Variants in PKP2 observed in about 807,000 individuals in gnomAD.
PKP2 encodes the protein plakophilin-2.
Under a neutral mutation model 83.4 loss-of-function variants are expected in PKP2, and 73 were observed. The observed-to-expected ratio is 0.88, with a 90% CI of 0.72 to 1.06. PKP2 has a LOEUF of 1.06. PKP2 is among the 50% of genes least tolerant of loss of function. The pLI is 0.00. For missense variants in PKP2, 966 were observed against 1,065.4 expected, an observed-to-expected ratio of 0.91 and a Z score of 1.30; for synonymous variants, 409 against 430.4, an observed-to-expected ratio of 0.95 and a Z score of 0.62.
At chr12:32,846,118 C>T (rs1029475098) in intron 5 of PKP2, among the ~76,000 whole-genome samples, 13 of 152,194 alleles carry the variant, frequency 8.5e-5, no homozygotes, top group Non-Finnish European at 1.9e-4. Flanking sequence ...TACCCTGACT[C>T]TTTCATATGT....
intron 3 of PKP2, 51 bp from the exon 4 acceptor site, chr12:32,869,113 C>G (rs1332766874): frequency 6.2e-7 from 1 of 1,607,248 alleles, no homozygotes; most frequent in Non-Finnish European, 8.5e-7. Flanking sequence ...CCTCCTCCTG[C>G]CTACCAACCT....
In PKP2 at chr12:32,877,904, CGGCCGCCT is replaced by C. The variant is rs1555148032; in HGVS notation, c.968_975del (p.Gln323ArgfsTer10). On this transcript the variant is annotated frameshift_variant, in exon 3 of 13. Transcript: ENST00000340811. LOFTEE classifies it high-confidence loss of function. ...GTGAGCAGATTCCCACTTCCCCCTG[CGGCCGCCT>C]GGCCGACAGTCAAGTGCGCTCTCCT... is the stretch of plus-strand genomic sequence containing the variant. 1 of 1,614,162 alleles carries C rather than the reference CGGCCGCCT, an allele frequency of 6.2e-7. No individual in the cohort carries two copies. The highest frequency in any genetic ancestry group is 1.1e-5 in the South Asian group (1 of 91,082).
intron 9 of PKP2, among the ~76,000 whole-genome samples, chr12:32,802,806 G>A (rs1490228112): frequency 3.9e-5 from 6 of 151,940 alleles, no homozygotes; most frequent in Non-Finnish European, 7.4e-5. Context: ...TTACAGGTGT[G>A]TGCCACCACG....
intron 9 of PKP2, among the ~76,000 whole-genome samples, chr12:32,809,620 G>A (rs540700799): frequency 1.3e-5 from 2 of 152,334 alleles, no homozygotes; most frequent in Non-Finnish European, 2.9e-5. Context: ...TGGAAATTCC[G>A]GGGCCGGAGT....
chr12:32,792,739 GA>G lies in PKP2; in HGVS notation c.2358-9del. 1 of 1,611,314 alleles carries G rather than the reference GA, an allele frequency of 6.2e-7. No homozygotes were observed. Among genetic ancestry groups the G allele is most frequent in the Non-Finnish European group, 8.5e-7 (1 of 1,177,440 alleles). On this transcript the variant is annotated splice_polypyrimidine_tract_variant and intron_variant, in intron 11 of 12. Coordinates refer to ENST00000340811, the MANE Select transcript of PKP2 (RefSeq NM_001005242.3). ...GCTTTGTTGGAGGCATAGCTGAAAA[GA>G]AAAGGACATTCTGAGATCAGGGAGA...
intron 5 of PKP2, chr12:32,843,146 A>T (rs749983584): frequency 2.3e-6 from 1 of 440,428 alleles, no homozygotes; most frequent in South Asian, 1.6e-5. Flanking sequence ...CACCCGGCTA[A>T]TTTTTTTGTA....
At chr12:32,795,017 C>T (rs996014854) in intron 11 of PKP2, among the ~76,000 whole-genome samples, 1 of 152,166 alleles carries the variant, frequency 6.6e-6, no homozygotes, top group African/African-American at 2.4e-5. Flanking sequence ...CTATCATAGC[C>T]ATTTCTTTTC....
At chr12:32,828,175 C>G (rs1956460909) in intron 6 of PKP2, among the ~76,000 whole-genome samples, 1 of 152,140 alleles carries the variant, frequency 6.6e-6, no homozygotes, top group Non-Finnish European at 1.5e-5. Flanking sequence ...GAATCTGGAC[C>G]TCTGTGTGTC....
chr12:32,866,815 G>A (rs1288461161), intron 4 of PKP2, among the ~76,000 whole-genome samples: 9 of 152,054 alleles, frequency 5.9e-5, no homozygotes, highest in Admixed American at 5.9e-4. Context: ...TTTACTCCTA[G>A]GTATTTACTG....
intron 1 of PKP2, among the ~76,000 whole-genome samples, chr12:32,885,726 T>A (rs1373055954): frequency 6.6e-6 from 1 of 152,068 alleles, no homozygotes; most frequent in Admixed American, 6.6e-5. Flanking sequence ...TTTTATTATG[T>A]AATTGGTTAG....
At chr12:32,832,411 T>C (rs1956509232) in intron 6 of PKP2, among the ~76,000 whole-genome samples, 1 of 152,092 alleles carries the variant, frequency 6.6e-6, no homozygotes, top group African/African-American at 2.4e-5. Context: ...CAAAGTAATT[T>C]AATTAATTAA....
intron 1 of PKP2, among the ~76,000 whole-genome samples, chr12:32,886,029 T>C (rs1399231821): frequency 6.6e-6 from 1 of 152,188 alleles, no homozygotes; most frequent in African/African-American, 2.4e-5. Flanking sequence ...TGAAGATACA[T>C]GTAGAGGTGC....
intron 1 of PKP2, among the ~76,000 whole-genome samples, chr12:32,885,297 A>C (rs940958635): frequency 1.3e-5 from 2 of 152,232 alleles, no homozygotes; most frequent in Non-Finnish European, 2.9e-5. Flanking sequence ...ATGGAAAAAG[A>C]AGCTTTGTGT....
At chr12:32,851,944 G>C (rs754124337) in intron 4 of PKP2, among the ~76,000 whole-genome samples, 1 of 152,176 alleles carries the variant, frequency 6.6e-6, no homozygotes, top group Non-Finnish European at 1.5e-5. Flanking sequence ...GGCACAACCA[G>C]GAATGGGAAA....
At chr12:32,817,137 C>T (rs536136860) in intron 9 of PKP2, among the ~76,000 whole-genome samples, 2 of 152,308 alleles carry the variant, frequency 1.3e-5, no homozygotes, top group African/African-American at 4.8e-5. Flanking sequence ...TCCACACCTA[C>T]AGCCATCTGG....
At chr12:32,837,175 T>C (rs1956551297) in intron 6 of PKP2, among the ~76,000 whole-genome samples, 1 of 152,184 alleles carries the variant, frequency 6.6e-6, no homozygotes, top group African/African-American at 2.4e-5. Context: ...CCCTGTGATG[T>C]CTTGAGACTA....
chr12:32,802,276 G>T, intron 10 of PKP2, 127 bp downstream of exon 10: 2 of 959,090 alleles, frequency 2.1e-6, no homozygotes, highest in Non-Finnish European at 3.3e-6. Flanking sequence ...AGGCAGGCCG[G>T]TTTATCACCT....
At chr12:32,839,315 T>G (rs1956568485) in intron 6 of PKP2, among the ~76,000 whole-genome samples, 1 of 150,516 alleles carries the variant, frequency 6.6e-6, no homozygotes, top group African/African-American at 2.4e-5. Context: ...CCTTTCTGAA[T>G]CAAGGCCAGG....
chr12:32,824,830 C>T (rs1023358606), intron 6 of PKP2, among the ~76,000 whole-genome samples: 21 of 152,090 alleles, frequency 1.4e-4, no homozygotes, highest in Non-Finnish European at 2.6e-4. Flanking sequence ...TGACACCTTT[C>T]TATAAACAGT....
Sources: allele counts gnomAD v4.1 joint callset (sites outside exome capture counted in the v4.1 genomes callset), GRCh38; gene constraint gnomAD v4.1.1; transcripts MANE v1.5; gene names NCBI Gene and HGNC (gene_info 2026-07-23, HGNC 2026-07-21).